KIF6: variants seen among roughly 807,000 people sequenced by gnomAD.
The protein encoded by KIF6 is kinesin-like protein KIF6.
KIF6 carries 106 observed loss-of-function variants against 112.7 expected under a neutral mutation model. That is an observed-to-expected ratio of 0.94 (90% CI 0.80 to 1.11). The LOEUF (loss-of-function observed/expected upper bound fraction) is 1.11, where lower values mean the gene tolerates loss of function less well. Among genes scored for constraint, KIF6 ranks in the 50% least tolerant of loss-of-function variants. The pLI, the probability that KIF6 is intolerant of heterozygous loss-of-function variation, is 0.00. For missense variants in KIF6, 929 were observed against 964.0 expected, an observed-to-expected ratio of 0.96 and a Z score of 0.48; for synonymous variants, 339 against 339.9, an observed-to-expected ratio of 1.00 and a Z score of 0.03.
chr6:39,486,773 C>T (rs1192595107), intron 13 of KIF6, among the ~76,000 whole-genome samples: 1 of 152,120 alleles, frequency 6.6e-6, no homozygotes, highest in Non-Finnish European at 1.5e-5. Flanking sequence ...GAGTGATCAG[C>T]AATAACATGA....
chr6:39,632,448 G>A (rs1375658086), intron 5 of KIF6, among the ~76,000 whole-genome samples: 4 of 152,034 alleles, frequency 2.6e-5, no homozygotes, highest in East Asian at 3.9e-4. Context: ...ATGTTTAGAA[G>A]GCATTCAAAG....
At chr6:39,470,201 G>A (rs1774035179) in intron 13 of KIF6, among the ~76,000 whole-genome samples, 1 of 152,288 alleles carries the variant, frequency 6.6e-6, no homozygotes, top group South Asian at 2.1e-4. Context: ...GCACAGTCAG[G>A]AGCAGGTAAA....
chr6:39,523,396 C>T (rs1312411930), intron 13 of KIF6, among the ~76,000 whole-genome samples: 3 of 151,984 alleles, frequency 2.0e-5, no homozygotes, highest in Non-Finnish European at 4.4e-5. Flanking sequence ...CAGAACGGCT[C>T]CCTACTGCCA....
intron 13 of KIF6, among the ~76,000 whole-genome samples, chr6:39,432,085 C>A (rs1165817813): frequency 1.3e-5 from 2 of 152,174 alleles, no homozygotes; most frequent in Non-Finnish European, 2.9e-5. Context: ...CCTCTTTTCA[C>A]CATGTTCCTT....
In KIF6 at chr6:39,391,571, G is replaced by GT. The variant is rs1357910142; in HGVS notation, c.1811-5900_1811-5899insA. On this transcript the variant is annotated intron_variant, in intron 15 of 22. Coordinates refer to ENST00000287152, the MANE Select transcript of KIF6 (RefSeq NM_145027.6). The stretch of plus-strand genomic sequence containing the variant: ...ATTGTCTTTACTGGAGTTGATTCTG[G>GT]ATTGGGGGCCTGGAGGGTCTGTCAG... Among the ~76,000 whole-genome samples the GT allele has an allele frequency of 2.6e-5, 4 of 152,318 alleles. No individual in the cohort carries two copies. In the East Asian group the frequency reaches 7.7e-4, roughly 29 times the overall value.
chr6:39,561,826 C>T (rs914659837), intron 10 of KIF6, among the ~76,000 whole-genome samples: 8 of 152,206 alleles, frequency 5.3e-5, no homozygotes, highest in Non-Finnish European at 1.2e-4. Flanking sequence ...AGACAGGAAC[C>T]TGTGTTTACA....
chr6:39,614,882 G>C (rs1398241918), intron 5 of KIF6, among the ~76,000 whole-genome samples: 3 of 152,072 alleles, frequency 2.0e-5, no homozygotes, highest in Non-Finnish European at 4.4e-5. Context: ...AGAAGGTTTG[G>C]CTAAATTAAA....
chr6:39,471,365 T>C (rs545019356), intron 13 of KIF6, among the ~76,000 whole-genome samples: 3 of 152,308 alleles, frequency 2.0e-5, no homozygotes, highest in Non-Finnish European at 2.9e-5. Flanking sequence ...CACTGCCTTC[T>C]TGTCTGGCCA....
chr6:39,424,418 C>T (rs529203105), intron 14 of KIF6, among the ~76,000 whole-genome samples: 2 of 152,324 alleles, frequency 1.3e-5, no homozygotes, highest in South Asian at 2.1e-4. Context: ...TCCATGAGGA[C>T]AGCAACCACA....
chr6:39,721,267 C>G (rs56028025), intron 1 of KIF6, among the ~76,000 whole-genome samples: 3,207 of 152,248 alleles, frequency 0.021, 40 homozygotes, highest in Non-Finnish European at 0.033. Context: ...CAAGAATGCT[C>G]TAATTCAAGT....
intron 1 of KIF6, among the ~76,000 whole-genome samples, chr6:39,721,386 T>C (rs1467833195): frequency 6.6e-6 from 1 of 152,184 alleles, no homozygotes; most frequent in Admixed American, 6.5e-5. Flanking sequence ...ATTTTCAAGG[T>C]TCTCCTTCCA....
At position 39,385,678 on chromosome 6, in the gene KIF6, A is replaced by G. The variant is rs1767351709; in HGVS notation, c.1811-6T>C. On this transcript the variant is annotated splice_polypyrimidine_tract_variant and splice_region_variant and intron_variant, in intron 15 of 22. Transcript: ENST00000287152. ...GATTTCTTCCTTCAGGTGACCTGCC[A>G]AAGACACAAAAGAAAACTACCAGTG... 1 of 1,611,802 alleles carries G rather than the reference A, an allele frequency of 6.2e-7. No individual in the cohort carries two copies. The highest frequency in any genetic ancestry group is 8.5e-7 in the Non-Finnish European group (1 of 1,177,964).
intron 3 of KIF6, among the ~76,000 whole-genome samples, chr6:39,643,816 A>T (rs1314208421): frequency 6.6e-6 from 1 of 152,178 alleles, no homozygotes; most frequent in Non-Finnish European, 1.5e-5. Flanking sequence ...GGAAAAAAAT[A>T]AGCTGCACTT....
Position 39,346,103 on chromosome 6 carries a change from C to CT in KIF6, c.2232-315_2232-314insA, listed in dbSNP as rs1562113088. On this transcript the variant is annotated intron_variant, in intron 20 of 22. Transcript: ENST00000287152. ...CTCTCTCTCCCCCCCCTCTCCCTCCCCCCCTCCCTCTCCCTCTCCCTCCCT... is the reference window on the plus strand; with the variant it reads ...CTCTCTCTCCCCCCCCTCTCCCTCCCTCCCCTCCCTCTCCCTCTCCCTCCCT... 2.1e-4 allele frequency among the ~76,000 whole-genome samples: 10 copies of CT among 47,790 alleles called. 1 individual carries two copies. Among genetic ancestry groups the CT allele is most frequent in the African/African-American group, 1.1e-3 (10 of 9,226 alleles). The allele number at this position is 47,790 out of a possible 152,430, so 31.4% of individuals were successfully genotyped here. A position where few individuals can be genotyped will look rare whatever the true frequency, so the allele number is the denominator to read the frequency against.
intron 19 of KIF6, among the ~76,000 whole-genome samples, chr6:39,356,150 C>T (rs944323312): frequency 6.6e-6 from 1 of 151,924 alleles, no homozygotes; most frequent in African/African-American, 2.4e-5. Context: ...AGTGTCCTTC[C>T]ATTGGGATGT....
intron 13 of KIF6, among the ~76,000 whole-genome samples, chr6:39,493,218 T>C (rs1775574396): frequency 6.6e-6 from 1 of 152,236 alleles, no homozygotes; most frequent in South Asian, 2.1e-4. Context: ...AAACCATGTA[T>C]ATTATGGAAT....
chr6:39,621,707 G>A (rs533180816), intron 5 of KIF6, among the ~76,000 whole-genome samples: 3 of 152,338 alleles, frequency 2.0e-5, no homozygotes, highest in Non-Finnish European at 2.9e-5. Context: ...AAGGTAGGCA[G>A]TAAAATGCTT....
At chr6:39,480,025 A>G (rs181093423) in intron 13 of KIF6, among the ~76,000 whole-genome samples, 1 of 152,270 alleles carries the variant, frequency 6.6e-6, no homozygotes, top group East Asian at 1.9e-4. Context: ...CTCTTTATCA[A>G]TTTGGATGCC....
chr6:39,693,191 A>C (rs11752840), intron 3 of KIF6, among the ~76,000 whole-genome samples: 11,023 of 152,310 alleles, frequency 0.072, 542 homozygotes, highest in South Asian at 0.18. Flanking sequence ...AAAGGAAGAG[A>C]GCTGTTAAGG....
Sources: allele counts gnomAD v4.1 joint callset (sites outside exome capture counted in the v4.1 genomes callset), GRCh38; gene constraint gnomAD v4.1.1; transcripts MANE v1.5; gene names NCBI Gene and HGNC (gene_info 2026-07-23, HGNC 2026-07-21).